The following PDIA3 variants were observed in gnomAD, a reference collection of about 807,000 sequenced individuals.
PDIA3 encodes protein disulfide-isomerase A3.
A neutral mutation model predicts 56.9 loss-of-function variants in PDIA3; 16 were observed. That is an observed-to-expected ratio of 0.28 (90% CI 0.19 to 0.43). The LOEUF is 0.43. Among genes scored for constraint, PDIA3 ranks in the 20% least tolerant of loss-of-function variants. The pLI, the probability that PDIA3 is intolerant of heterozygous loss-of-function variation, is 1.00. For missense variants in PDIA3, 485 were observed against 621.3 expected, an observed-to-expected ratio of 0.78 and a Z score of 2.33; for synonymous variants, 192 against 216.5, an observed-to-expected ratio of 0.89 and a Z score of 0.99.
chr15:43,759,833 C>G (rs1420193907), intron 3 of PDIA3, among the ~76,000 whole-genome samples: 1 of 152,134 alleles, frequency 6.6e-6, no homozygotes, highest in Non-Finnish European at 1.5e-5. Flanking sequence ...CGCCTGTAAT[C>G]CCAGCACTTT....
intron 1 of PDIA3, among the ~76,000 whole-genome samples, chr15:43,751,289 C>T (rs1450067505): frequency 1.3e-5 from 2 of 151,892 alleles, no homozygotes; most frequent in East Asian, 1.9e-4. Context: ...TCTAATAATA[C>T]TGTGTCACCC....
chr15:43,762,436 G>A (rs1396457139), intron 4 of PDIA3, among the ~76,000 whole-genome samples: 1 of 151,762 alleles, frequency 6.6e-6, no homozygotes. Flanking sequence ...GCTTGAACCC[G>A]GGAGGCGGAG....
intron 12 of PDIA3, 141 bp from the exon 13 acceptor site, chr15:43,770,964 A>G (rs2086878125): frequency 1.6e-6 from 1 of 638,854 alleles, no homozygotes. Flanking sequence ...GGTTTATTTA[A>G]CTAAAATCTC....
Position 43,771,529 on chromosome 15 carries a change from G to T in PDIA3, c.*311G>T. The T allele has an allele frequency of 2.1e-6, 1 of 484,850 alleles. No individual in the cohort carries two copies. Among genetic ancestry groups the T allele is most frequent in the Non-Finnish European group, 3.6e-6 (1 of 277,550 alleles). 30.0% of individuals were successfully genotyped at this position (484,850 alleles called of 1,614,324 possible). A position where few individuals can be genotyped will look rare whatever the true frequency, so the allele number is the denominator to read the frequency against. ...CATTTGGAACAGTGACAATAAATGAGACCCCTTTAAACTGTCTTATTTTCC... is the reference window on the plus strand; with the variant it reads ...CATTTGGAACAGTGACAATAAATGATACCCCTTTAAACTGTCTTATTTTCC... On this transcript the variant is annotated 3_prime_UTR_variant, in exon 13 of 13. Transcript: ENST00000300289.
intron 1 of PDIA3, among the ~76,000 whole-genome samples, chr15:43,753,384 A>C (rs1002730628): frequency 2.6e-5 from 4 of 152,020 alleles, no homozygotes; most frequent in African/African-American, 9.7e-5. Flanking sequence ...ATTTTTAACA[A>C]CCACAATGCT....
At position 43,747,562 on chromosome 15, in the gene PDIA3, T is replaced by G. The variant is rs146350346; in HGVS notation, c.167+856T>G. Among the ~76,000 whole-genome samples, 960 of 152,028 alleles carry G rather than the reference T, an allele frequency of 6.3e-3. 4 individuals carry two copies. Among genetic ancestry groups the G allele is most frequent in the Non-Finnish European group, 9.9e-3 (671 of 67,948 alleles). On this transcript the variant is annotated intron_variant, in intron 1 of 12. Transcript: ENST00000300289. ...GCCCAGTCAACTTGAGTGTTTGTTT[T>G]TTTTTTTTATTTGTGTGTGTGTGTG...
chr15:43,753,334 T>TCC (rs2086757069), intron 1 of PDIA3, among the ~76,000 whole-genome samples: 1 of 152,172 alleles, frequency 6.6e-6, no homozygotes, highest in Non-Finnish European at 1.5e-5. Flanking sequence ...CGCCTTGGCC[T>TCC]CCCAAAGTGC....
At chr15:43,770,739 G>T (rs547382974) in intron 12 of PDIA3, among the ~76,000 whole-genome samples, 159 bp downstream of exon 12, 2 of 152,030 alleles carry the variant, frequency 1.3e-5, no homozygotes, top group Non-Finnish European at 2.9e-5. Context: ...CGTGATCTCG[G>T]CTCACCGTTC....
intron 1 of PDIA3, chr15:43,753,095 C>T (rs1398870719): frequency 8.9e-6 from 3 of 337,090 alleles, no homozygotes; most frequent in East Asian, 7.5e-5. Context: ...ACCCCCACCC[C>T]GAGACAGAGT....
In PDIA3 at chr15:43,771,807, C is replaced by G. The variant is rs1410046952; in HGVS notation, c.*589C>G. ...AAAATTCTTTCAAAATTTATTATCT[C>G]TTTCTCTCCTTACATGTTTATTTCC... is the stretch of plus-strand genomic sequence containing the variant. On this transcript the variant is annotated 3_prime_UTR_variant, in exon 13 of 13. Transcript: ENST00000300289. 7.6e-6 allele frequency: 3 copies of G among 395,734 alleles called. No homozygotes were observed. The highest frequency in any genetic ancestry group is 4.4e-5 in the Admixed American group (1 of 22,652). The allele number at this position is 395,734 out of a possible 1,614,324, so 24.5% of individuals were successfully genotyped here.
chr15:43,752,738 T>C, intron 1 of PDIA3: 2 of 468,328 alleles, frequency 4.3e-6, no homozygotes, highest in Admixed American at 4.7e-5. Context: ...CACCATTGAC[T>C]ATTGAAATAT....
At chr15:43,746,915 T>A (rs2086710577) in intron 1 of PDIA3, 1 of 587,612 alleles carries the variant, frequency 1.7e-6, no homozygotes, top group African/African-American at 1.9e-5. Context: ...ACCCGAAGGC[T>A]GCGCTCACGC....
chr15:43,746,512 C>A lies in PDIA3; in HGVS notation c.-28C>A. On this transcript the variant is annotated 5_prime_UTR_variant, in exon 1 of 13. Transcript: ENST00000300289. ...CAGTCCCAGCCGAGCCGCGACCCTTCCGGCCGTCCCCACCCCACCTCGCCG... is the reference window on the plus strand; with the variant it reads ...CAGTCCCAGCCGAGCCGCGACCCTTACGGCCGTCCCCACCCCACCTCGCCG... The A allele has an allele frequency of 4.5e-6, 7 of 1,551,704 alleles. No homozygotes were observed. The highest frequency in any genetic ancestry group is 5.2e-6 in the Non-Finnish European group (6 of 1,151,230).
intron 3 of PDIA3, among the ~76,000 whole-genome samples, chr15:43,760,860 G>A (rs974963225): frequency 2.0e-5 from 3 of 151,582 alleles, no homozygotes; most frequent in African/African-American, 7.3e-5. Context: ...AATAAAAAAC[G>A]CTATGCCACT....
At chr15:43,752,737 CTA>C (rs2141645042) in intron 1 of PDIA3, 2 of 468,004 alleles carry the variant, frequency 4.3e-6, no homozygotes, top group African/African-American at 4.0e-5. Flanking sequence ...ACACCATTGA[CTA>C]TTGAAATATA....
At chr15:43,754,727 AAGTGTAATCCC>A (rs1228174394) in intron 2 of PDIA3, among the ~76,000 whole-genome samples, 30 of 151,580 alleles carry the variant, frequency 2.0e-4, no homozygotes, top group Admixed American at 1.3e-3. Context: ...AAAAAAAAAA[AAGTGTAATCCC>A]AGTACTTTGG....
At chr15:43,752,039 AGAT>A (rs1342356211) in intron 1 of PDIA3, among the ~76,000 whole-genome samples, 1 of 152,206 alleles carries the variant, frequency 6.6e-6, no homozygotes, top group African/African-American at 2.4e-5. Context: ...ATTATCTTCT[AGAT>A]GGCTTTACTC....
chr15:43,770,338 C>T lies in PDIA3; in HGVS notation c.1346+9C>T. ...CCATATGAAGTCAGAGGGTAAGTGG[C>T]TTAAAACTTAACAAAAGTGTCTAGG... On this transcript the variant is annotated intron_variant, in intron 11 of 12. Coordinates refer to ENST00000300289, the MANE Select transcript of PDIA3 (RefSeq NM_005313.5). 1 of 1,608,040 alleles carries T rather than the reference C, an allele frequency of 6.2e-7. No homozygotes were observed. The highest frequency in any genetic ancestry group is 1.1e-5 in the South Asian group (1 of 90,956).
chr15:43,769,422 A>G (rs888991852), intron 9 of PDIA3, 96 bp from the exon 10 acceptor site: 15 of 1,151,730 alleles, frequency 1.3e-5, no homozygotes. Context: ...TTCTGTGGTA[A>G]CACATCAAAT....
Sources: allele counts gnomAD v4.1 joint callset (sites outside exome capture counted in the v4.1 genomes callset), GRCh38; gene constraint gnomAD v4.1.1; transcripts MANE v1.5; gene names NCBI Gene and HGNC (gene_info 2026-07-23, HGNC 2026-07-21).